CCDC138: variants seen among roughly 807,000 people sequenced by gnomAD.
The protein encoded by CCDC138 is coiled-coil domain-containing protein 138.
Under a neutral mutation model 82.3 loss-of-function variants are expected in CCDC138, and 66 were observed. That is an observed-to-expected ratio of 0.80 (90% CI 0.66 to 0.98). The LOEUF (loss-of-function observed/expected upper bound fraction) is 0.98. CCDC138 is among the 50% of genes least tolerant of loss of function. CCDC138 has a pLI of 0.00. For missense variants in CCDC138, 816 were observed against 758.9 expected (o/e 1.08, Z -0.88); for synonymous variants, 297 against 265.4 (o/e 1.12, Z -1.16).
At chr2:108,832,518 T>C (rs983648162) in intron 10 of CCDC138, among the ~76,000 whole-genome samples, 2 of 152,100 alleles carry the variant, frequency 1.3e-5, no homozygotes, top group African/African-American at 2.4e-5. Context: ...CAGCTAATTT[T>C]GTATTTTTAG....
intron 1 of CCDC138, among the ~76,000 whole-genome samples, chr2:108,787,824 T>C (rs895057511): frequency 2.0e-5 from 3 of 152,082 alleles, no homozygotes; most frequent in African/African-American, 7.2e-5. Flanking sequence ...GAGCATGAGA[T>C]GAGTGATGTG....
intron 12 of CCDC138, among the ~76,000 whole-genome samples, chr2:108,854,004 A>C (rs1384931771): frequency 1.2e-3 from 34 of 27,332 alleles, no homozygotes; most frequent in East Asian, 8.6e-3. Context: ...AATTTATATT[A>C]TATATAATAT....
At chr2:108,792,096 C>T (rs1679999996) in intron 4 of CCDC138, among the ~76,000 whole-genome samples, 1 of 152,142 alleles carries the variant, frequency 6.6e-6, no homozygotes, top group African/African-American at 2.4e-5. Context: ...AGAAAATACT[C>T]CAGATTATTT....
intron 7 of CCDC138, among the ~76,000 whole-genome samples, chr2:108,811,245 C>CTTTT (rs144518921): frequency 0.63 from 68,666 of 108,426 alleles, 24,095 homozygotes; most frequent in East Asian, 0.88. Context: ...CTTTCTCTCT[C>CTTTT]TCTTTTTTTT....
At chr2:108,871,805 G>T (rs1695298620) in intron 13 of CCDC138, among the ~76,000 whole-genome samples, 1 of 152,074 alleles carries the variant, frequency 6.6e-6, no homozygotes, top group Non-Finnish European at 1.5e-5. Context: ...TTTTAAAAGT[G>T]ATATTGCTAT....
At chr2:108,799,161 T>C (rs922725237) in intron 6 of CCDC138, among the ~76,000 whole-genome samples, 13 of 152,200 alleles carry the variant, frequency 8.5e-5, no homozygotes, top group African/African-American at 3.1e-4. Flanking sequence ...CTCACCATCT[T>C]TGAAGAATTC....
intron 13 of CCDC138, among the ~76,000 whole-genome samples, chr2:108,871,089 G>A (rs994824831): frequency 6.6e-6 from 1 of 152,112 alleles, no homozygotes; most frequent in Non-Finnish European, 1.5e-5. Context: ...TTTTAGACAC[G>A]TTCCTATGGT....
At chr2:108,852,636 C>G (rs921212676) in intron 12 of CCDC138, among the ~76,000 whole-genome samples, 1 of 152,172 alleles carries the variant, frequency 6.6e-6, no homozygotes, top group Non-Finnish European at 1.5e-5. Flanking sequence ...TTATCCTTAA[C>G]AGACTAATGC....
chr2:108,866,176 TTTGCTTG>T (rs879640353), intron 13 of CCDC138, among the ~76,000 whole-genome samples: 38 of 152,190 alleles, frequency 2.5e-4, no homozygotes, highest in Non-Finnish European at 4.7e-4. Context: ...GTGGAATCAG[TTTGCTTG>T]TTGGAAGAAG....
chr2:108,841,731 A>G (rs775405429), intron 11 of CCDC138, among the ~76,000 whole-genome samples: 17 of 152,164 alleles, frequency 1.1e-4, no homozygotes, highest in Middle Eastern at 3.4e-3. Flanking sequence ...ATTTACATGT[A>G]ATGTACTTAT....
At chr2:108,857,036 A>G in intron 13 of CCDC138, 66 bp downstream of exon 13, 1 of 418,924 alleles carries the variant, frequency 2.4e-6, no homozygotes, top group Non-Finnish European at 4.3e-6. Context: ...TCTTGTCTGC[A>G]TGTATAACTC....
intron 12 of CCDC138, among the ~76,000 whole-genome samples, chr2:108,854,068 T>TATATTATATATA (rs1692212400): frequency 8.0e-6 from 1 of 124,252 alleles, no homozygotes; most frequent in African/African-American, 3.2e-5. Flanking sequence ...ATATATATTT[T>TATATTATATATA]ATATATAATA....
chr2:108,881,604 T>C (rs1223280644), intron 1 of CCDC138, among the ~76,000 whole-genome samples: 1 of 152,208 alleles, frequency 6.6e-6, no homozygotes, highest in Non-Finnish European at 1.5e-5. Context: ...ATTTCTAGCT[T>C]TTCATTTAAA....
chr2:108,884,226 C>T (rs774818486), intron 2 of CCDC138: 1 of 152,294 alleles, frequency 6.6e-6, no homozygotes, highest in African/African-American at 2.4e-5. Context: ...TTTAGTAAGT[C>T]ACTTCAGTTA....
Position 108,812,802 on chromosome 2 carries a change from G to T in CCDC138, c.934-18G>T. The T allele has an allele frequency of 6.2e-7, 1 of 1,610,954 alleles. No homozygotes were observed. Among genetic ancestry groups the T allele is most frequent in the Non-Finnish European group, 8.5e-7 (1 of 1,178,386 alleles). On this transcript the variant is annotated intron_variant, in intron 8 of 14. Coordinates refer to ENST00000295124, the MANE Select transcript of CCDC138 (RefSeq NM_144978.3). Reference sequence around the variant, plus strand: ...TAGATACAATTGTTCTTTAATTCACGCATATATACTGTTGCAGAGGAAGTA... The same window carrying T: ...TAGATACAATTGTTCTTTAATTCACTCATATATACTGTTGCAGAGGAAGTA...
Position 108,803,442 on chromosome 2 carries a change from T to A in CCDC138, c.736-1447T>A, listed in dbSNP as rs7573053. On this transcript the variant is annotated intron_variant, in intron 6 of 14. Coordinates refer to ENST00000295124, the MANE Select transcript of CCDC138 (RefSeq NM_144978.3). ...AGCTTTAGTGGAAATTAAAAAAAAA[T>A]TTTTTTTTAATTGTTTTAGAGACAG... Among the ~76,000 whole-genome samples, 696 of 151,854 alleles carry A rather than the reference T, an allele frequency of 4.6e-3. 4 individuals are homozygous for A. The highest frequency in any genetic ancestry group is 0.012 in the African/African-American group (497 of 41,406).
At chr2:108,831,414 A>G (rs1687591779) in intron 10 of CCDC138, among the ~76,000 whole-genome samples, 1 of 152,318 alleles carries the variant, frequency 6.6e-6, no homozygotes, top group African/African-American at 2.4e-5. Context: ...AAAGATAAGA[A>G]AAAGTACTTT....
chr2:108,874,504 G>C (rs568013764), intron 14 of CCDC138, among the ~76,000 whole-genome samples: 14 of 152,286 alleles, frequency 9.2e-5, no homozygotes, highest in African/African-American at 2.9e-4. Flanking sequence ...TTGTATAACA[G>C]TAACATTTTT....
chr2:108,817,118 T>G (rs1553411357), intron 10 of CCDC138, among the ~76,000 whole-genome samples: 1 of 152,182 alleles, frequency 6.6e-6, no homozygotes, highest in Non-Finnish European at 1.5e-5. Flanking sequence ...ATTAAAGTTG[T>G]TAATCAGCTG....
Sources: gnomAD v4.1 joint callset for allele counts (sites outside exome capture counted in the v4.1 genomes callset) on GRCh38, gnomAD v4.1.1 for gene constraint, MANE v1.5 for transcripts, NCBI Gene and HGNC (gene_info 2026-07-23, HGNC 2026-07-21) for gene names.